KAZN: variants seen among roughly 807,000 people sequenced by gnomAD.
KAZN encodes kazrin, periplakin interacting protein.
KAZN carries 40 observed loss-of-function variants against 87.4 expected under a neutral mutation model. That is an observed-to-expected ratio of 0.46 (90% CI 0.36 to 0.60). The LOEUF is 0.60. Ranked by LOEUF, KAZN falls within the 20% of genes least tolerant of loss-of-function variation. The pLI, the probability that KAZN is intolerant of heterozygous loss-of-function variation, is 0.00. For synonymous variants in KAZN, 466 were observed against 458.3 expected, an observed-to-expected ratio of 1.02 and a Z score of -0.22; for missense variants, 898 against 1,073.9, an observed-to-expected ratio of 0.84 and a Z score of 2.29.
chr1:14,375,572 A>C (rs1479340450), intron 2 of KAZN, among the ~76,000 whole-genome samples: 1 of 152,196 alleles, frequency 6.6e-6, no homozygotes, highest in Non-Finnish European at 1.5e-5. Flanking sequence ...CTCAGCATAA[A>C]GTGTAAGGTC....
intron 2 of KAZN, among the ~76,000 whole-genome samples, chr1:14,432,006 C>A (rs1666099528): frequency 6.6e-6 from 1 of 152,034 alleles, no homozygotes; most frequent in Admixed American, 6.6e-5. Context: ...TCTGGAGAAC[C>A]CTGACTAATA....
intron 2 of KAZN, among the ~76,000 whole-genome samples, chr1:14,181,596 C>T (rs1646199992): frequency 6.6e-6 from 1 of 152,058 alleles, no homozygotes; most frequent in Admixed American, 6.5e-5. Context: ...TTTTTGAGGC[C>T]CTCTGTTGAG....
intron 1 of KAZN, among the ~76,000 whole-genome samples, chr1:14,121,353 C>T (rs2101702773): frequency 6.6e-6 from 1 of 152,236 alleles, no homozygotes; most frequent in Non-Finnish European, 1.5e-5. Flanking sequence ...ACCTGAAGTG[C>T]AAGGAGCAAT....
chr1:14,206,036 A>T (rs1292608466), intron 2 of KAZN, among the ~76,000 whole-genome samples: 1 of 152,126 alleles, frequency 6.6e-6, no homozygotes, highest in African/African-American at 2.4e-5. Flanking sequence ...AAATTTTTTA[A>T]AAAAGCCACC....
At chr1:14,147,566 A>G (rs1645379239) in intron 1 of KAZN, among the ~76,000 whole-genome samples, 1 of 151,690 alleles carries the variant, frequency 6.6e-6, no homozygotes, top group Non-Finnish European at 1.5e-5. Flanking sequence ...GGCCAAGGCG[A>G]GTGGATTACA....
chr1:14,430,916 A>G (rs1666027522), intron 2 of KAZN, among the ~76,000 whole-genome samples: 1 of 152,226 alleles, frequency 6.6e-6, no homozygotes, highest in South Asian at 2.1e-4. Flanking sequence ...CCATCCTCAC[A>G]TCTCAGCTCT....
rs867591663 is a variant in KAZN at position 13,982,704 on chromosome 1, A to T, written c.91+88948A>T. ...AGACACAAAGGTTCTCCACCTCCCC[A>T]TCAGATTAGTTAGATACAGAGTATC... On this transcript the variant is annotated intron_variant, in intron 1 of 16. Transcript: ENST00000636203. 9.9e-5 allele frequency among the ~76,000 whole-genome samples: 15 copies of T among 152,228 alleles called. 1 individual carries two copies. The highest frequency in any genetic ancestry group is 3.4e-3 in the Middle Eastern group (1 of 294).
At chr1:14,069,473 T>C in intron 1 of KAZN, among the ~76,000 whole-genome samples, 1 of 152,208 alleles carries the variant, frequency 6.6e-6, no homozygotes, top group East Asian at 1.9e-4. Context: ...CCTGTTTACT[T>C]CCAAACCCCC....
chr1:14,202,949 A>G (rs1248076799), intron 2 of KAZN, among the ~76,000 whole-genome samples: 4 of 152,056 alleles, frequency 2.6e-5, no homozygotes, highest in African/African-American at 9.7e-5. Context: ...CCTGGGAGGC[A>G]GAGCTTGCCG....
intron 1 of KAZN, among the ~76,000 whole-genome samples, chr1:14,134,124 G>A (rs3921124): frequency 0.57 from 87,174 of 152,014 alleles, 26,294 homozygotes; most frequent in East Asian, 0.76. Flanking sequence ...TGGGAGACAG[G>A]GTCTGAGCCA....
chr1:14,112,020 G>A (rs986340545), intron 1 of KAZN, among the ~76,000 whole-genome samples: 1 of 151,972 alleles, frequency 6.6e-6, no homozygotes, highest in African/African-American at 2.4e-5. Context: ...TTACAGACGT[G>A]AGCCACCACG....
intron 2 of KAZN, among the ~76,000 whole-genome samples, chr1:14,585,083 G>A (rs942727129): frequency 2.0e-5 from 3 of 152,202 alleles, no homozygotes; most frequent in East Asian, 3.9e-4. Context: ...GGAGGATACA[G>A]GGAGAAAGTG....
chr1:13,972,987 A>C (rs1642190484), intron 1 of KAZN, among the ~76,000 whole-genome samples: 1 of 152,188 alleles, frequency 6.6e-6, no homozygotes, highest in Admixed American at 6.5e-5. Context: ...GAATTGTTTT[A>C]GGTACAATAA....
At chr1:14,915,183 G>T (rs928871589) in intron 1 of KAZN, among the ~76,000 whole-genome samples, 1 of 152,076 alleles carries the variant, frequency 6.6e-6, no homozygotes, top group Non-Finnish European at 1.5e-5. Context: ...GCGAAACTCC[G>T]CCTCAAAAGA....
Position 15,056,449 on chromosome 1 carries a change from A to G in KAZN, c.916+169A>G, listed in dbSNP as rs1638286168. Reference sequence around the variant, plus strand: ...AAAATCTAAGAGATGGACAGCAGGCATAGCTGGATCCAGAGGTTCAAACAC... The same window carrying G: ...AAAATCTAAGAGATGGACAGCAGGCGTAGCTGGATCCAGAGGTTCAAACAC... On this transcript the variant is annotated intron_variant, in intron 5 of 14. Transcript: ENST00000376030. This position sits in a 1 kb window ranked among gnomAD's most constrained non-coding sequence, Gnocchi z 5.4. Among the ~76,000 whole-genome samples the G allele has an allele frequency of 6.6e-6, 1 of 152,212 alleles. No individual in the cohort carries two copies. Among genetic ancestry groups the G allele is most frequent in the Non-Finnish European group, 1.5e-5 (1 of 68,038 alleles).
chr1:14,171,190 A>G (rs1645947620), intron 1 of KAZN, among the ~76,000 whole-genome samples: 1 of 152,202 alleles, frequency 6.6e-6, no homozygotes, highest in Non-Finnish European at 1.5e-5. Context: ...TCCATGTATC[A>G]GTTGATGGGA....
At chr1:15,068,086 C>T (rs1639338004) in intron 8 of KAZN, 1 of 914,556 alleles carries the variant, frequency 1.1e-6, no homozygotes, top group Non-Finnish European at 1.3e-6. Flanking sequence ...GGAAAGGTTT[C>T]TCGAAGGCAT....
chr1:14,425,398 T>C (rs946644403), intron 2 of KAZN, among the ~76,000 whole-genome samples: 1 of 152,186 alleles, frequency 6.6e-6, no homozygotes, highest in Non-Finnish European at 1.5e-5. Flanking sequence ...AGAAGGTTCA[T>C]TGTGAGTTCA....
At chr1:14,732,610 G>A (rs1217866454) in intron 1 of KAZN, among the ~76,000 whole-genome samples, 2 of 152,202 alleles carry the variant, frequency 1.3e-5, no homozygotes, top group Non-Finnish European at 2.9e-5. Context: ...CTACACTCCA[G>A]CCTGGGTGAC....
Sources: gnomAD v4.1 joint callset for allele counts (sites outside exome capture counted in the v4.1 genomes callset) on GRCh38, gnomAD v4.1.1 for gene constraint, Gnocchi (gnomAD v3.1) non-coding constraint, MANE v1.5 for transcripts, NCBI Gene and HGNC (gene_info 2026-07-23, HGNC 2026-07-21) for gene names.